KSR2: variants seen among roughly 807,000 people sequenced by gnomAD.
KSR2 encodes kinase suppressor of ras 2.
A neutral mutation model predicts 107.8 loss-of-function variants in KSR2; 25 were observed. The ratio of observed to expected loss-of-function variants is 0.23; its 90% CI spans 0.17 to 0.32. The LOEUF (loss-of-function observed/expected upper bound fraction) is 0.32, where lower values mean the gene tolerates loss of function less well. Ranked by LOEUF, KSR2 falls within the 10% of genes least tolerant of loss-of-function variation. The pLI, the probability that KSR2 is intolerant of heterozygous loss-of-function variation, is 1.00. For missense variants in KSR2, 887 were observed against 1,268.9 expected (o/e 0.70, Z 4.57); for synonymous variants, 480 against 507.0 (o/e 0.95, Z 0.71).
chr12:117,860,901 C>T (rs1328001056), intron 1 of KSR2, among the ~76,000 whole-genome samples: 1 of 151,910 alleles, frequency 6.6e-6, no homozygotes, highest in African/African-American at 2.4e-5. Context: ...GTATTTTTAG[C>T]AGAGATGGGG....
chr12:117,905,423 C>T (rs538097177), intron 1 of KSR2, among the ~76,000 whole-genome samples: 19 of 152,160 alleles, frequency 1.2e-4, no homozygotes, highest in African/African-American at 4.3e-4. Flanking sequence ...GTTTTGCCCG[C>T]GGACTCCACT....
intron 5 of KSR2, among the ~76,000 whole-genome samples, chr12:117,613,389 C>A (rs1458893030): frequency 7.9e-5 from 12 of 152,208 alleles, no homozygotes; most frequent in Admixed American, 7.9e-4. Context: ...GAGTCCCAGA[C>A]TTTCAGCTAC....
intron 7 of KSR2, among the ~76,000 whole-genome samples, chr12:117,572,547 A>T (rs904399068): frequency 1.3e-5 from 2 of 152,060 alleles, no homozygotes; most frequent in Non-Finnish European, 2.9e-5. Flanking sequence ...AAGAATCCCC[A>T]CATGCTCAGA....
At chr12:117,564,109 C>T (rs1174060066) in intron 7 of KSR2, among the ~76,000 whole-genome samples, 2 of 152,174 alleles carry the variant, frequency 1.3e-5, no homozygotes, top group Non-Finnish European at 2.9e-5. Flanking sequence ...TTTGGTTCTC[C>T]AGGTGCTCCA....
chr12:117,682,611 G>A (rs1885414935), intron 4 of KSR2, among the ~76,000 whole-genome samples: 1 of 152,026 alleles, frequency 6.6e-6, no homozygotes, highest in African/African-American at 2.4e-5. Flanking sequence ...GTGAGACGGG[G>A]TTTCTCCATG....
intron 1 of KSR2, among the ~76,000 whole-genome samples, chr12:117,938,718 C>T (rs1013788155): frequency 1.3e-5 from 2 of 151,758 alleles, no homozygotes; most frequent in Non-Finnish European, 2.9e-5. Flanking sequence ...GCCACTGCAC[C>T]CCAGCCTAGG....
chr12:117,880,194 C>T (rs1893984087), intron 1 of KSR2, among the ~76,000 whole-genome samples: 1 of 152,096 alleles, frequency 6.6e-6, no homozygotes, highest in Non-Finnish European at 1.5e-5. Flanking sequence ...TAGAACAATA[C>T]TGTGTGAAAG....
intron 1 of KSR2, among the ~76,000 whole-genome samples, chr12:117,912,671 G>C (rs757031829): frequency 2.6e-5 from 4 of 152,164 alleles, no homozygotes; most frequent in Non-Finnish European, 5.9e-5. Context: ...GTGGGATTAC[G>C]GGACTCTGTT....
chr12:117,700,162 A>G (rs973693966), intron 4 of KSR2, among the ~76,000 whole-genome samples: 4 of 151,782 alleles, frequency 2.6e-5, no homozygotes, highest in Admixed American at 6.6e-5. Context: ...TTATAATCTT[A>G]CAGGACCACC....
chr12:117,850,907 C>T (rs1212377444), intron 3 of KSR2, among the ~76,000 whole-genome samples: 1 of 152,100 alleles, frequency 6.6e-6, no homozygotes, highest in African/African-American at 2.4e-5. Flanking sequence ...ATGATCCCTG[C>T]CCTTTTGCAG....
At chr12:117,503,906 A>C (rs564449669) in intron 14 of KSR2, among the ~76,000 whole-genome samples, 1 of 152,354 alleles carries the variant, frequency 6.6e-6, no homozygotes, top group African/African-American at 2.4e-5. Context: ...ATTTTGGGAA[A>C]GCAAACTCTG....
chr12:117,814,538 G>C (rs931277527), intron 3 of KSR2, among the ~76,000 whole-genome samples: 1 of 152,034 alleles, frequency 6.6e-6, no homozygotes, highest in African/African-American at 2.4e-5. Context: ...GACAAAGGGC[G>C]GAGATTAAAT....
At chr12:117,556,636 G>C (rs1877714427) in intron 8 of KSR2, among the ~76,000 whole-genome samples, 1 of 152,078 alleles carries the variant, frequency 6.6e-6, no homozygotes, top group South Asian at 2.1e-4. Context: ...AGTTTCCCTT[G>C]GGTTCATTCT....
Position 117,842,100 on chromosome 12 carries a change from T to C in KSR2, c.472+13328A>G, listed in dbSNP as rs936952753. On this transcript the variant is annotated intron_variant, in intron 3 of 19. Coordinates refer to ENST00000339824, the MANE Select transcript of KSR2 (RefSeq NM_173598.6). This position sits in a 1 kb window ranked among gnomAD's most constrained non-coding sequence, Gnocchi z 4.2. ...CTGGGAACTTGTTAATGCAGATTTC[T>C]GGGCACTGCCCCGGACTGGCTGAAG... 6.6e-6 allele frequency among the ~76,000 whole-genome samples: 1 copy of C among 152,378 alleles called. No individual in the cohort carries two copies. The highest frequency in any genetic ancestry group is 2.1e-4 in the South Asian group (1 of 4,830).
At chr12:117,615,274 T>C (rs920103485) in intron 5 of KSR2, among the ~76,000 whole-genome samples, 1 of 151,810 alleles carries the variant, frequency 6.6e-6, no homozygotes, top group Non-Finnish European at 1.5e-5. Context: ...TCCTCTTTTG[T>C]CTAGAAAAAT....
At chr12:117,888,167 T>C (rs1894234429) in intron 1 of KSR2, among the ~76,000 whole-genome samples, 2 of 152,234 alleles carry the variant, frequency 1.3e-5, no homozygotes, top group African/African-American at 4.8e-5. Context: ...TTCATTTAGA[T>C]ATTTGATCTT....
At chr12:117,638,729 G>A (rs145976789) in intron 5 of KSR2, among the ~76,000 whole-genome samples, 2 of 152,208 alleles carry the variant, frequency 1.3e-5, no homozygotes, top group African/African-American at 2.4e-5. Context: ...GGGGCTTCCA[G>A]GAGCTTGTGA....
intron 3 of KSR2, among the ~76,000 whole-genome samples, chr12:117,809,718 G>A (rs1281137324): frequency 6.6e-6 from 1 of 152,206 alleles, no homozygotes; most frequent in Non-Finnish European, 1.5e-5. Flanking sequence ...CACATGAGCA[G>A]AGGCCTTGTC....
intron 5 of KSR2, among the ~76,000 whole-genome samples, chr12:117,659,562 C>A (rs1385493245): frequency 1.3e-5 from 2 of 152,210 alleles, no homozygotes; most frequent in African/African-American, 4.8e-5. Context: ...GCAGCAGAGA[C>A]TGCTGTTCTG....
Sources: gnomAD v4.1 joint callset for allele counts (sites outside exome capture counted in the v4.1 genomes callset) on GRCh38, gnomAD v4.1.1 for gene constraint, Gnocchi (gnomAD v3.1) non-coding constraint, MANE v1.5 for transcripts, NCBI Gene and HGNC (gene_info 2026-07-23, HGNC 2026-07-21) for gene names.